Variants in TNRC6A observed in about 807,000 individuals in gnomAD.
TNRC6A encodes trinucleotide repeat containing adaptor 6A.
In TNRC6A, 44 loss-of-function variants were observed where a neutral mutation model predicts 221.2. The observed-to-expected ratio is 0.20, with a 90% CI of 0.16 to 0.26. The LOEUF is 0.26. Among genes scored for constraint, TNRC6A ranks in the 10% least tolerant of loss-of-function variants. The pLI is 1.00. For missense variants in TNRC6A, 2,199 were observed against 2,404.4 expected (o/e 0.91, Z 1.79); for synonymous variants, 847 against 838.5 (o/e 1.01, Z -0.18).
chr16:24,656,195 G>T (rs2054908215), intron 2 of TNRC6A, among the ~76,000 whole-genome samples: 2 of 151,428 alleles, frequency 1.3e-5, no homozygotes, highest in Non-Finnish European at 2.9e-5. Flanking sequence ...GGGCGTGGTG[G>T]CTCAGGCCTG....
At chr16:24,805,335 A>C in intron 14 of TNRC6A, 184 bp downstream of exon 14, 1 of 1,041,086 alleles carries the variant, frequency 9.6e-7, no homozygotes, top group Non-Finnish European at 1.4e-6. Flanking sequence ...TTTAAATCCA[A>C]AATTTACCAT....
At position 24,805,684 on chromosome 16, in the gene TNRC6A, T is replaced by G. The variant is rs1344350338; in HGVS notation, c.4202T>G (p.Leu1401Arg). 2 of 1,614,258 alleles carry G rather than the reference T, an allele frequency of 1.2e-6. No individual in the cohort carries two copies. ...PLFGPQQVAM[L>R]NQLSQLNQLS... ...TTTGGCCCTCAACAGGTAGCCATGCTGAACCAGCTATCCCAGCTAAACCAG... is the reference window on the plus strand; with the variant it reads ...TTTGGCCCTCAACAGGTAGCCATGCGGAACCAGCTATCCCAGCTAAACCAG... The change falls in exon 15 of 25, where the codon CTG (leucine) becomes CGG (arginine). Residue 1401 changes from leucine (L) to arginine (R), a missense_variant. Physicochemically the swap from Leu to Arg is moderately radical, Grantham distance 102. Coordinates refer to ENST00000395799, the MANE Select transcript of TNRC6A (RefSeq NM_014494.4).
chr16:24,799,766 A>G (rs1451914140), intron 11 of TNRC6A, among the ~76,000 whole-genome samples: 1 of 152,146 alleles, frequency 6.6e-6, no homozygotes, highest in Admixed American at 6.5e-5. Context: ...ACTCACTTTC[A>G]GGTTGAACCT....
At chr16:24,626,445 C>G (rs1334025696) in intron 1 of TNRC6A, among the ~76,000 whole-genome samples, 2 of 152,078 alleles carry the variant, frequency 1.3e-5, no homozygotes, top group Non-Finnish European at 2.9e-5. Context: ...TAACAGATAT[C>G]TTTCTATGAG....
At chr16:24,758,421 A>C in intron 4 of TNRC6A, 61 bp downstream of exon 4, 1 of 1,549,726 alleles carries the variant, frequency 6.5e-7, no homozygotes, top group South Asian at 1.1e-5. Context: ...GTTTATGTGC[A>C]TTTTTGTTCA....
intron 2 of TNRC6A, among the ~76,000 whole-genome samples, chr16:24,657,351 CAAAG>C (rs2054936782): frequency 8.2e-6 from 1 of 121,408 alleles, no homozygotes; most frequent in Non-Finnish European, 1.8e-5. Flanking sequence ...AACAAACAAA[CAAAG>C]AAACAAACAA....
chr16:24,808,174 G>A (rs1196167235), intron 17 of TNRC6A, among the ~76,000 whole-genome samples: 1 of 152,240 alleles, frequency 6.6e-6, no homozygotes, highest in African/African-American at 2.4e-5. Context: ...AGAAGTTTTT[G>A]TCTCATCAGT....
rs368080554 is a variant in TNRC6A at position 24,776,892 on chromosome 16, C to T, written c.164-41C>T. ...TGGCTTACTTTGGAGGTACACTTTA[C>T]TGGCTAATCTTTTCCACCCCTTTTC... On this transcript the variant is annotated intron_variant, in intron 4 of 24. Transcript: ENST00000395799. 2.8e-4 allele frequency: 440 copies of T among 1,579,502 alleles called. 1 individual carries two copies. The highest frequency in any genetic ancestry group is 1.9e-3 in the Middle Eastern group (11 of 5,882).
rs2058822019 is a variant in TNRC6A at position 24,823,921 on chromosome 16, A to G, written c.*114A>G. 8.9e-7 allele frequency: 1 copy of G among 1,118,730 alleles called. No individual in the cohort carries two copies. The highest frequency in any genetic ancestry group is 3.0e-5 in the South Asian group (1 of 33,024). The allele number at this position is 1,118,730 out of a possible 1,614,324, so 69.3% of individuals were successfully genotyped here. A position where few individuals can be genotyped will look rare whatever the true frequency, so the allele number is the denominator to read the frequency against. On this transcript the variant is annotated 3_prime_UTR_variant, in exon 25 of 25. Transcript: ENST00000395799. The surrounding 1 kb of genome is among the most constrained non-coding windows in gnomAD (Gnocchi z 4.3). The stretch of plus-strand genomic sequence containing the variant: ...CTGTGGGAACAGCTATTCTCTGCAC[A>G]TTTTCCACTTTGTTTTCCCCAAAAC...
chr16:24,702,095 C>A (rs376645114), intron 2 of TNRC6A, among the ~76,000 whole-genome samples: 1,072 of 85,252 alleles, frequency 0.013, 4 homozygotes, highest in Non-Finnish European at 0.017. Flanking sequence ...ATTTTCTTTT[C>A]TTTTCTTTTT....
intron 2 of TNRC6A, among the ~76,000 whole-genome samples, chr16:24,715,313 G>T (rs1320281102): frequency 6.6e-6 from 1 of 150,514 alleles, no homozygotes; most frequent in Admixed American, 6.6e-5. Flanking sequence ...GAGCTCAGGT[G>T]ATGCTCCTGC....
chr16:24,729,436 G>A (rs1460153614), upstream of TNRC6A, among the ~76,000 whole-genome samples: 4 of 151,382 alleles, frequency 2.6e-5, no homozygotes, highest in Admixed American at 6.6e-5. Context: ...CGGCCGCACC[G>A]AAAAAGGTTG....
At chr16:24,646,617 G>A (rs1035418320) in intron 2 of TNRC6A, among the ~76,000 whole-genome samples, 1 of 152,152 alleles carries the variant, frequency 6.6e-6, no homozygotes, top group South Asian at 2.1e-4. Context: ...GGACCATCTG[G>A]CATGATAGAA....
intron 2 of TNRC6A, chr16:24,664,004 C>T: frequency 2.2e-6 from 1 of 455,420 alleles, no homozygotes; most frequent in South Asian, 1.6e-5. Context: ...TTGAGATAAC[C>T]CTGTAGTGAA....
intron 4 of TNRC6A, among the ~76,000 whole-genome samples, chr16:24,764,978 TC>T (rs1272576197): frequency 2.0e-5 from 3 of 152,174 alleles, no homozygotes; most frequent in Admixed American, 6.5e-5. Context: ...CAGAATTTGG[TC>T]CCTCTCTCAA....
chr16:24,756,544 G>A (rs1323209890), intron 3 of TNRC6A, among the ~76,000 whole-genome samples: 1 of 152,214 alleles, frequency 6.6e-6, no homozygotes, highest in Non-Finnish European at 1.5e-5. Flanking sequence ...CTCTGTTGAT[G>A]ACAGAATACT....
In TNRC6A at chr16:24,814,409, C is replaced by CTTTTTTTCTT. The variant is rs1289848452; in HGVS notation, c.4673-731_4673-730insCTTTTTTTTT. Among the ~76,000 whole-genome samples, 44 of 116,778 alleles carry CTTTTTTTCTT rather than the reference C, an allele frequency of 3.8e-4. 1 individual carries two copies. Among genetic ancestry groups the CTTTTTTTCTT allele is most frequent in the African/African-American group, 1.2e-3 (34 of 27,368 alleles). 76.6% of individuals were successfully genotyped at this position (116,778 alleles called of 152,430 possible). On this transcript the variant is annotated intron_variant, in intron 18 of 24. Transcript: ENST00000395799. Reference sequence around the variant, plus strand: ...CATTTTTTTCTTTTCTTTTTTTTTTCTTTTTTTTTTTTTTTTTGGAGACGG... The same window carrying CTTTTTTTCTT: ...CATTTTTTTCTTTTCTTTTTTTTTTCTTTTTTTCTTTTTTTTTTTTTTTTTTTGGAGACGG...
intron 3 of TNRC6A, among the ~76,000 whole-genome samples, chr16:24,755,699 A>C (rs1346115030): frequency 1.3e-5 from 2 of 152,224 alleles, no homozygotes; most frequent in African/African-American, 4.8e-5. Flanking sequence ...GCAGAGCCTG[A>C]CAGGCAAAGC....
Position 24,809,498 on chromosome 16 carries a change from T to C in TNRC6A, c.4672+17T>C, listed in dbSNP as rs1282432339. 1.5e-6 allele frequency: 2 copies of C among 1,348,454 alleles called. No homozygotes were observed. The highest frequency in any genetic ancestry group is 3.7e-5 in the South Asian group (2 of 54,636). 83.5% of individuals were successfully genotyped at this position (1,348,454 alleles called of 1,614,324 possible). Reference sequence around the variant, plus strand: ...GCAAACATGGTACAAAAGATACATCTTACCAAAAAAAAAAAAAAAACACAC... The same window carrying C: ...GCAAACATGGTACAAAAGATACATCCTACCAAAAAAAAAAAAAAAACACAC... On this transcript the variant is annotated intron_variant, in intron 18 of 24. Transcript: ENST00000395799.
Sources: allele counts gnomAD v4.1 joint callset (sites outside exome capture counted in the v4.1 genomes callset), GRCh38; gene constraint gnomAD v4.1.1; non-coding constraint Gnocchi (gnomAD v3.1); transcripts MANE v1.5; gene names NCBI Gene and HGNC (gene_info 2026-07-23, HGNC 2026-07-21).